Variants in NLRP11 observed in about 807,000 individuals in gnomAD.
NLRP11 encodes the protein NACHT, LRR and PYD domains-containing protein 11.
A neutral mutation model predicts 79.3 loss-of-function variants in NLRP11; 53 were observed. The ratio of observed to expected loss-of-function variants is 0.67; its 90% CI spans 0.54 to 0.84. The LOEUF (loss-of-function observed/expected upper bound fraction) is 0.84, where lower values mean the gene tolerates loss of function less well. Ranked by LOEUF, NLRP11 falls within the 40% of genes least tolerant of loss-of-function variation. The pLI is 0.00. For synonymous variants in NLRP11, 518 were observed against 462.6 expected, an observed-to-expected ratio of 1.12 and a Z score of -1.54; for missense variants, 1,264 against 1,255.0, an observed-to-expected ratio of 1.01 and a Z score of -0.11.
chr19:55,832,474 C>T (rs560320116), upstream of NLRP11, among the ~76,000 whole-genome samples: 3 of 152,344 alleles, frequency 2.0e-5, no homozygotes, highest in East Asian at 3.9e-4. Flanking sequence ...TGCGGAGGCA[C>T]GTCCTAGATC....
exon 3 of NLRP11, chr19:55,808,965 G>A: frequency 6.2e-7 from 1 of 1,614,026 alleles, no homozygotes; most frequent in Non-Finnish European, 8.5e-7. Flanking sequence ...TTCTCATAGA[G>A]ACAGTAAAAC....
At chr19:55,822,067 G>C (rs923174828) in intron 1 of NLRP11, among the ~76,000 whole-genome samples, 2 of 152,000 alleles carry the variant, frequency 1.3e-5, no homozygotes, top group African/African-American at 4.8e-5. Flanking sequence ...GAGACTAGCC[G>C]GGCCATCATG....
intron 2 of NLRP11, 55 bp downstream of exon 2, chr19:55,817,849 C>A: frequency 7.0e-7 from 1 of 1,433,974 alleles, no homozygotes; most frequent in Admixed American, 2.3e-5. Context: ...GCCCAACACC[C>A]AGCTTCCTGT....
Position 55,809,479 on chromosome 19 carries a change from C to T in NLRP11, c.1131G>A (p.Ala377=). The T allele has an allele frequency of 6.2e-7, 1 of 1,614,082 alleles. No individual in the cohort carries two copies. The highest frequency in any genetic ancestry group is 8.5e-7 in the Non-Finnish European group (1 of 1,180,006). ...CAGTAAGTCCAGCCTCTGATGTCAA[C>T]GCATCAGCAAGAAAGTGGGCATGTA... is the stretch of plus-strand genomic sequence containing the variant. The change falls in exon 3 of 10, where the codon GCG becomes GCA. Residue 377 remains alanine, a synonymous_variant. Transcript: ENST00000589093. This position sits in a 1 kb window ranked among gnomAD's most constrained non-coding sequence, Gnocchi z 4.5.
rs1600188369 is a variant in NLRP11 at position 55,807,736 on chromosome 19, G to A, written c.2003+117C>T. ...GGTTGAGAAGTACAGAAGGAGCCTAGGCCCTGATGAGCCTGACCTGAAAGT... is the reference window on the plus strand; with the variant it reads ...GGTTGAGAAGTACAGAAGGAGCCTAAGCCCTGATGAGCCTGACCTGAAAGT... On this transcript the variant is annotated intron_variant, in intron 4 of 9. Coordinates refer to ENST00000589093, the Ensembl canonical transcript of NLRP11. The A allele has an allele frequency of 2.0e-5, 13 of 644,134 alleles. No individual in the cohort carries two copies. The East Asian group carries it at 3.3e-4, about 16-fold the overall frequency. The allele number at this position is 644,134 out of a possible 1,614,324, so 39.9% of individuals were successfully genotyped here. A position where few individuals can be genotyped will look rare whatever the true frequency, so the allele number is the denominator to read the frequency against.
intron 4 of NLRP11, among the ~76,000 whole-genome samples, chr19:55,802,368 A>G (rs750552224): frequency 6.6e-5 from 10 of 152,236 alleles, no homozygotes; most frequent in Admixed American, 2.0e-4. Context: ...TAGCATTCCT[A>G]TACACCAACG....
At chr19:55,831,098 C>CACCCCCCCCACCCCCCCCACCCCCCTGCT (rs1196388568) in intron 1 of NLRP11, among the ~76,000 whole-genome samples, 1 of 118,302 alleles carries the variant, frequency 8.5e-6, no homozygotes, top group African/African-American at 3.3e-5. Context: ...ACCCACCGCC[C>CACCCCCCCCACCCCCCCCACCCCCCTGCT]CACCCCCCCC....
intron 2 of NLRP11, among the ~76,000 whole-genome samples, chr19:55,813,722 C>T (rs1568638750): frequency 6.6e-6 from 1 of 152,110 alleles, no homozygotes; most frequent in Non-Finnish European, 1.5e-5. Flanking sequence ...GGAAGGATTT[C>T]TATTTTCTCA....
Position 55,793,331 on chromosome 19 carries a change from G to A in NLRP11, c.2343-860C>T, listed in dbSNP as rs538109104. Among the ~76,000 whole-genome samples, 5 of 152,136 alleles carry A rather than the reference G, an allele frequency of 3.3e-5. No homozygotes were observed. In the South Asian group the frequency reaches 8.3e-4, roughly 25 times the overall value. ...CACCTGTAATCCTGGCACCTTGGGAGGGGGAGACAGGAAGATCACCTGAGT... is the reference window on the plus strand; with the variant it reads ...CACCTGTAATCCTGGCACCTTGGGAAGGGGAGACAGGAAGATCACCTGAGT... On this transcript the variant is annotated intron_variant, in intron 6 of 9. Coordinates refer to ENST00000589093, the Ensembl canonical transcript of NLRP11.
intron 2 of NLRP11, among the ~76,000 whole-genome samples, chr19:55,817,294 G>A (rs1006439819): frequency 6.6e-6 from 1 of 152,082 alleles, no homozygotes; most frequent in South Asian, 2.1e-4. Flanking sequence ...AAAGTAGAAC[G>A]ACCATTTGAT....
chr19:55,801,656 A>T (rs1200152624), exon 5 of NLRP11: 2 of 1,613,798 alleles, frequency 1.2e-6, no homozygotes, highest in Non-Finnish European at 1.7e-6. Flanking sequence ...CGTACAGTTG[A>T]TACTCAGGTA....
intron 4 of NLRP11, among the ~76,000 whole-genome samples, chr19:55,805,000 T>C (rs1979845579): frequency 2.3e-5 from 2 of 88,302 alleles, no homozygotes; most frequent in Non-Finnish European, 2.2e-5. Context: ...CAGGTGGAGG[T>C]TGCAGTGAGC....
intron 2 of NLRP11, among the ~76,000 whole-genome samples, chr19:55,811,667 C>T (rs755362592): frequency 1.3e-5 from 2 of 151,790 alleles, no homozygotes; most frequent in South Asian, 2.1e-4. Context: ...TTATCTATGA[C>T]GTTTAGTATA....
At chr19:55,835,629 G>A (rs182726038), upstream of NLRP11, among the ~76,000 whole-genome samples, 1,223 of 147,340 alleles carry the variant, frequency 8.3e-3, 2 homozygotes, top group Non-Finnish European at 0.013. Flanking sequence ...ATCACTTGAG[G>A]TCAAGGGTTC....
intron 8 of NLRP11, 78 bp from the exon 9 acceptor site, chr19:55,789,055 A>G: frequency 6.6e-7 from 1 of 1,517,450 alleles, no homozygotes; most frequent in South Asian, 1.2e-5. Context: ...AGAACTGGAC[A>G]TCTACTAGAT....
At chr19:55,806,394 G>C (rs571865745) in intron 4 of NLRP11, among the ~76,000 whole-genome samples, 1 of 152,282 alleles carries the variant, frequency 6.6e-6, no homozygotes, top group Non-Finnish European at 1.5e-5. Flanking sequence ...TCCCAACTCA[G>C]TGGCAACTCT....
At position 55,801,624 on chromosome 19, in the gene NLRP11, A is replaced by T. The variant is rs1460918420; in HGVS notation, c.2119T>A (p.Ser707Thr). 4 of 1,614,040 alleles carry T rather than the reference A, an allele frequency of 2.5e-6. No individual in the cohort carries two copies. The Admixed American group carries it at 6.7e-5, about 27-fold the overall frequency. The stretch of plus-strand genomic sequence containing the variant: ...TCGTGCAGGATGTCATGCAGAAGTG[A>T]AAACATATTTAGGGAAATGGACGTA... The change falls in exon 5 of 10, where the codon TCA (serine) becomes ACA (threonine). Residue 707 changes from serine (S) to threonine (T), a missense_variant. Coordinates refer to ENST00000589093, the Ensembl canonical transcript of NLRP11.
At chr19:55,803,689 A>T (rs1227106149) in intron 4 of NLRP11, among the ~76,000 whole-genome samples, 3 of 152,252 alleles carry the variant, frequency 2.0e-5, no homozygotes, top group Non-Finnish European at 4.4e-5. Flanking sequence ...GACAACAAGC[A>T]TATGAAAACA....
At chr19:55,812,123 T>TA (rs147407586) in intron 2 of NLRP11, among the ~76,000 whole-genome samples, 18 of 151,354 alleles carry the variant, frequency 1.2e-4, no homozygotes, top group Admixed American at 2.6e-4. Context: ...AAAGTAAAAT[T>TA]AAAAAAAAAT....
Sources: allele counts gnomAD v4.1 joint callset (sites outside exome capture counted in the v4.1 genomes callset), GRCh38; gene constraint gnomAD v4.1.1; non-coding constraint Gnocchi (gnomAD v3.1); transcripts MANE v1.5; gene names NCBI Gene and HGNC (gene_info 2026-07-23, HGNC 2026-07-21).